Variants in SELENON observed in about 807,000 individuals in gnomAD.
The protein encoded by SELENON is selenoprotein N, 1.
SELENON carries 44 observed loss-of-function variants against 59.5 expected under a neutral mutation model. The ratio of observed to expected loss-of-function variants is 0.74; its 90% CI spans 0.58 to 0.95. The LOEUF (loss-of-function observed/expected upper bound fraction) is 0.95, where lower values mean the gene tolerates loss of function less well. Ranked by LOEUF, SELENON falls within the 40% of genes least tolerant of loss-of-function variation. SELENON has a pLI of 0.00. For missense variants in SELENON, 674 were observed against 721.4 expected (o/e 0.93, Z 0.75); for synonymous variants, 320 against 305.6 (o/e 1.05, Z -0.49).
intron 12 of SELENON, 42 bp downstream of exon 11, chr1:25,814,220 G>A (rs776535624): frequency 7.2e-6 from 11 of 1,534,184 alleles, no homozygotes; most frequent in South Asian, 3.4e-5. Context: ...CAGGCACCTC[G>A]GGGCCCCGGG....
chr1:25,812,836 A>G, intron 10 of SELENON, 44 bp downstream of exon 9: 1 of 1,460,044 alleles, frequency 6.8e-7, no homozygotes, highest in East Asian at 2.3e-5. Flanking sequence ...GGGAAAGTCC[A>G]CACCTTGTGG....
Position 25,812,770 on chromosome 1 carries a change from C to G in SELENON, c.1365C>G (p.Ala455=). 6.2e-7 allele frequency: 1 copy of G among 1,613,350 alleles called. No homozygotes were observed. Among genetic ancestry groups the G allele is most frequent in the Non-Finnish European group, 8.5e-7 (1 of 1,179,752 alleles). The change falls in exon 10 of 13, where the codon GCC becomes GCG. Residue 455 remains alanine, a synonymous_variant. Transcript: ENST00000361547. Reference sequence around the variant, plus strand: ...TGCACTCAATCCTGCTGTGGGGGGCCCTGGATGACCAGTCCTGCTGAGGTG... The same window carrying G: ...TGCACTCAATCCTGCTGTGGGGGGCGCTGGATGACCAGTCCTGCTGAGGTG...
chr1:25,813,664 G>A (rs1321085154), intron 10 of SELENON: 2 of 634,094 alleles, frequency 3.2e-6, no homozygotes, highest in Non-Finnish European at 2.9e-6. Context: ...CCAGGGCCAG[G>A]TAGAACCCCT....
At chr1:25,802,458 G>A (rs561299894) in intron 3 of SELENON, among the ~76,000 whole-genome samples, 1 of 152,258 alleles carries the variant, frequency 6.6e-6, no homozygotes, top group African/African-American at 2.4e-5. Context: ...CCTGGTTCAA[G>A]CAATTCCCCT....
At position 25,813,788 on chromosome 1, in the gene SELENON, A is replaced by G. The variant is rs546854142; in HGVS notation, c.1388-93A>G. On this transcript the variant is annotated intron_variant, in intron 10 of 12. Coordinates refer to ENST00000361547, the MANE Select transcript of SELENON (RefSeq NM_020451.3). ...TGAATCTGTTATTTCACTTGGGTGC[A>G]GAGACTGTCCTGCAGCCCGTGAGGT... 3.4e-6 allele frequency: 3 copies of G among 885,932 alleles called. No homozygotes were observed. The South Asian group carries it at 4.0e-5, about 12-fold the overall frequency. 54.9% of individuals were successfully genotyped at this position (885,932 alleles called of 1,614,324 possible).
chr1:25,808,952 G>T, intron 5 of SELENON, 74 bp from the exon 5 acceptor site: 1 of 1,611,010 alleles, frequency 6.2e-7, no homozygotes, highest in Non-Finnish European at 8.5e-7. Flanking sequence ...GTCGGGTCTG[G>T]GCTGACCCCC....
chr1:25,811,961 C>G (rs1365778649), intron 9 of SELENON, 82 bp downstream of exon 8: 4 of 1,351,840 alleles, frequency 3.0e-6, no homozygotes, highest in Non-Finnish European at 4.1e-6. Context: ...TGGGCACAGA[C>G]GCTGGTATGT....
chr1:25,812,158 T>C (rs1045246893), intron 9 of SELENON, among the ~76,000 whole-genome samples: 1 of 151,986 alleles, frequency 6.6e-6, no homozygotes, highest in Non-Finnish European at 1.5e-5. Context: ...CTGGGCAACA[T>C]AGCGAGACCC....
chr1:25,814,349 C>T (rs1043977425), intron 12 of SELENON, among the ~76,000 whole-genome samples, 171 bp downstream of exon 11: 5 of 152,216 alleles, frequency 3.3e-5, no homozygotes, highest in African/African-American at 4.8e-5. Flanking sequence ...CCGTTGTCCC[C>T]GTGTAGAAAC....
At position 25,816,709 on chromosome 1, in the gene SELENON, T is replaced by C. The variant is rs2048014342; in HGVS notation, c.*991T>C. The C allele has an allele frequency of 1.3e-5, 2 of 152,670 alleles. No individual in the cohort carries two copies. Among genetic ancestry groups the C allele is most frequent in the South Asian group, 4.1e-4 (2 of 4,828 alleles). 9.5% of individuals were successfully genotyped at this position (152,670 alleles called of 1,614,324 possible). Reference sequence around the variant, plus strand: ...CCACTGACCACGGCCAGTCTCTCTTTTTATATGTGCAGAAAAGTGTTTTTA... The same window carrying C: ...CCACTGACCACGGCCAGTCTCTCTTCTTATATGTGCAGAAAAGTGTTTTTA... On this transcript the variant is annotated 3_prime_UTR_variant, in exon 13 of 13. Transcript: ENST00000361547.
Position 25,805,154 on chromosome 1 carries a change from C to T in SELENON, c.416C>T (p.Ala139Val), listed in dbSNP as rs777523826. 4.5e-5 allele frequency: 73 copies of T among 1,613,516 alleles called. No homozygotes were observed. Among genetic ancestry groups the T allele is most frequent in the Non-Finnish European group, 5.4e-5 (64 of 1,180,028 alleles). ...CTGTGTCTCATAGGGTCAACTCCCG[C>T]GGCCAGCTGCGAGGAGGAGGAGTTG... The change falls in exon 4 of 13, where the codon GCG (alanine) becomes GTG (valine). Residue 139 changes from alanine (A) to valine (V), a missense_variant. Coordinates refer to ENST00000361547, the MANE Select transcript of SELENON (RefSeq NM_020451.3).
intron 4 of SELENON, among the ~76,000 whole-genome samples, chr1:25,806,972 C>A (rs2047913403): frequency 6.6e-6 from 1 of 152,100 alleles, no homozygotes; most frequent in Non-Finnish European, 1.5e-5. Flanking sequence ...CAGGTGCCCA[C>A]CACCACACCC....
At chr1:25,806,493 G>T (rs1477393076) in intron 4 of SELENON, among the ~76,000 whole-genome samples, 1 of 152,128 alleles carries the variant, frequency 6.6e-6, no homozygotes, top group Non-Finnish European at 1.5e-5. Context: ...GCAGGGAGCG[G>T]CTCCTCATGG....
chr1:25,800,504 T>G, intron 1 of SELENON, 91 bp downstream of exon 1: 5 of 650,776 alleles, frequency 7.7e-6, no homozygotes, highest in East Asian at 1.1e-4. Context: ...CATGGACGAG[T>G]CGGGGGAGGC....
At position 25,801,022 on chromosome 1, in the gene SELENON, C is replaced by T. The variant is rs192249955; in HGVS notation, c.184-21C>T. On this transcript the variant is annotated intron_variant, in intron 1 of 12. Coordinates refer to ENST00000361547, the MANE Select transcript of SELENON (RefSeq NM_020451.3). ...ACCAGGCCGCCAAATGGTGCCCAGC[C>T]CAGTCTCTCCTCCCAAGCAGGAACT... is the stretch of plus-strand genomic sequence containing the variant. 1.9e-5 allele frequency: 31 copies of T among 1,603,694 alleles called. No individual in the cohort carries two copies. In the East Asian group the frequency reaches 6.2e-4, roughly 32 times the overall value.
chr1:25,800,724 C>G (rs2047853912), intron 1 of SELENON, among the ~76,000 whole-genome samples: 1 of 151,398 alleles, frequency 6.6e-6, no homozygotes, highest in South Asian at 2.1e-4. Flanking sequence ...CTGGGGAGCC[C>G]TGGGACAGTG....
intron 7 of SELENON, among the ~76,000 whole-genome samples, chr1:25,810,948 G>A (rs967192109): frequency 4.6e-5 from 7 of 152,310 alleles, no homozygotes; most frequent in African/African-American, 7.2e-5. Flanking sequence ...GCTGACCCCC[G>A]GGGGTTACCT....
At position 25,816,076 on chromosome 1, in the gene SELENON, G is replaced by A. The variant is rs535916223; in HGVS notation, c.*358G>A. ...TGTGGGGTGAAGAATGGAGGGAGGAGCAGGCTAGGAAGACGGGGCCACCAC... is the reference window on the plus strand; with the variant it reads ...TGTGGGGTGAAGAATGGAGGGAGGAACAGGCTAGGAAGACGGGGCCACCAC... On this transcript the variant is annotated 3_prime_UTR_variant, in exon 13 of 13. Transcript: ENST00000361547. The A allele has an allele frequency of 6.7e-4, 135 of 202,684 alleles. 1 individual carries two copies. The highest frequency in any genetic ancestry group is 2.8e-3 in the African/African-American group (120 of 43,376). The allele number at this position is 202,684 out of a possible 1,614,324, so 12.6% of individuals were successfully genotyped here. A position where few individuals can be genotyped will look rare whatever the true frequency, so the allele number is the denominator to read the frequency against.
At chr1:25,809,536 C>A in intron 6 of SELENON, 147 bp from the exon 6 acceptor site, 1 of 1,154,968 alleles carries the variant, frequency 8.7e-7, no homozygotes, top group Non-Finnish European at 1.3e-6. Context: ...GGATGAGCAG[C>A]ATTTGGAGAG....
Sources: allele counts gnomAD v4.1 joint callset (sites outside exome capture counted in the v4.1 genomes callset), GRCh38; gene constraint gnomAD v4.1.1; transcripts MANE v1.5; gene names NCBI Gene and HGNC (gene_info 2026-07-23, HGNC 2026-07-21).